The following MYO3B variants were observed in gnomAD, a reference collection of about 807,000 sequenced individuals.
The protein encoded by MYO3B is myosin IIIB, also known as myosin-IIIb.
A neutral mutation model predicts 174.6 loss-of-function variants in MYO3B; 156 were observed. The ratio of observed to expected loss-of-function variants is 0.89; its 90% confidence interval spans 0.78 to 1.02. The LOEUF is 1.02. Among genes scored for constraint, MYO3B ranks in the 50% least tolerant of loss-of-function variants. The probability of loss-of-function intolerance (pLI) is 0.00; values close to 1 mark genes in which losing one functional copy is unlikely to be tolerated. For missense variants in MYO3B, 1,632 were observed against 1,639.4 expected, an observed-to-expected ratio of 1.00 and a Z score of 0.08; for synonymous variants, 563 against 569.1, an observed-to-expected ratio of 0.99 and a Z score of 0.15.
At chr2:170,233,768 T>C (rs547084790) in intron 6 of MYO3B, among the ~76,000 whole-genome samples, 3 of 152,358 alleles carry the variant, frequency 2.0e-5, no homozygotes, top group African/African-American at 4.8e-5. Context: ...TTTTGCACAG[T>C]TGGCACATTT....
chr2:170,632,116 C>G (rs931517932), intron 32 of MYO3B, among the ~76,000 whole-genome samples: 23 of 152,176 alleles, frequency 1.5e-4, no homozygotes, highest in African/African-American at 5.6e-4. Flanking sequence ...TTGAACTCAG[C>G]TCTGCACCAA....
At chr2:170,499,950 C>T (rs1559060578) in intron 27 of MYO3B, 142 bp downstream of exon 27, 3 of 647,600 alleles carry the variant, frequency 4.6e-6, no homozygotes, top group Non-Finnish European at 7.5e-6. Flanking sequence ...TTCCTTCCTT[C>T]TTTCCTTCCT....
intron 22 of MYO3B, among the ~76,000 whole-genome samples, chr2:170,435,524 A>G (rs897057522): frequency 6.6e-6 from 1 of 152,224 alleles, no homozygotes; most frequent in Non-Finnish European, 1.5e-5. Context: ...CGTATTGTAG[A>G]CAGTAAGATG....
chr2:170,559,126 G>A (rs752023420), intron 32 of MYO3B, among the ~76,000 whole-genome samples: 1 of 152,154 alleles, frequency 6.6e-6, no homozygotes, highest in Non-Finnish European at 1.5e-5. Flanking sequence ...TCATTTTATA[G>A]ATGAAAAGAC....
At chr2:170,226,506 G>A (rs893441609) in intron 6 of MYO3B, among the ~76,000 whole-genome samples, 2 of 152,214 alleles carry the variant, frequency 1.3e-5, no homozygotes, top group Admixed American at 1.3e-4. Context: ...CAAGGTGCAA[G>A]GGGTGGAAAT....
At chr2:170,363,561 T>C (rs992054218) in intron 8 of MYO3B, among the ~76,000 whole-genome samples, 2 of 152,198 alleles carry the variant, frequency 1.3e-5, no homozygotes, top group African/African-American at 2.4e-5. Flanking sequence ...CGTTTTTGCC[T>C]GTTTTTGGCA....
In MYO3B at chr2:170,453,409, TACACACACACACACAC is replaced by T. The variant is rs35558091; in HGVS notation, c.2730+9392_2730+9407del. 2.4e-4 allele frequency among the ~76,000 whole-genome samples: 32 copies of T among 131,286 alleles called. No homozygotes were observed. In the East Asian group the frequency reaches 3.5e-3, roughly 14 times the overall value. 86.1% of individuals were successfully genotyped at this position (131,286 alleles called of 152,430 possible). A position where few individuals can be genotyped will look rare whatever the true frequency, so the allele number is the denominator to read the frequency against. On this transcript the variant is annotated intron_variant, in intron 23 of 34. Coordinates refer to ENST00000408978, the MANE Select transcript of MYO3B (RefSeq NM_138995.5). ...GAGACTAACAGTGATGTTTACCATTTACACACACACACACACACACACACACACACACACACACACA... is the reference window on the plus strand; with the variant it reads ...GAGACTAACAGTGATGTTTACCATTTACACACACACACACACACACACACA...
chr2:170,426,488 A>G (rs2094662871), intron 22 of MYO3B, among the ~76,000 whole-genome samples: 1 of 151,124 alleles, frequency 6.6e-6, no homozygotes. Flanking sequence ...GGCACCCACC[A>G]CCATGCCCGG....
At chr2:170,436,594 G>C (rs1193710472) in intron 22 of MYO3B, among the ~76,000 whole-genome samples, 1 of 152,148 alleles carries the variant, frequency 6.6e-6, no homozygotes, top group Non-Finnish European at 1.5e-5. Context: ...TTGAAATCTT[G>C]AGCATCTTGC....
chr2:170,179,492 G>A (rs2092371073), intron 1 of MYO3B, among the ~76,000 whole-genome samples: 1 of 152,132 alleles, frequency 6.6e-6, no homozygotes, highest in East Asian at 1.9e-4. Context: ...TAGGTCATGA[G>A]GGCTCTGCCC....
chr2:170,301,644 A>G (rs1370640585), intron 7 of MYO3B, among the ~76,000 whole-genome samples: 1 of 152,164 alleles, frequency 6.6e-6, no homozygotes, highest in African/African-American at 2.4e-5. Context: ...AATGGCTGGG[A>G]GTAGATGGGT....
chr2:170,498,627 C>G lies in MYO3B; in HGVS notation c.3050C>G (p.Pro1017Arg). The G allele has an allele frequency of 6.2e-7, 1 of 1,614,032 alleles. No individual in the cohort carries two copies. Among genetic ancestry groups the G allele is most frequent in the Non-Finnish European group, 8.5e-7 (1 of 1,179,946 alleles). ...TTGGCATTCACAGCACATCAAACAC[C>G]TCTTGCTAGCAAAGAGAGCTGTGTG... ...YYLAFTAHQTPLASKESCVAI... is the reference protein window; with the variant it reads ...YYLAFTAHQTRLASKESCVAI... The change falls in exon 26 of 35, where the codon CCT becomes CGT. Residue 1017 changes from proline (P) to arginine (R), a missense_variant. By Grantham distance (103) the Pro-to-Arg change is moderately radical (BLOSUM62 -2). Coordinates refer to ENST00000408978, the MANE Select transcript of MYO3B (RefSeq NM_138995.5).
At chr2:170,469,423 A>G (rs1684838358) in intron 25 of MYO3B, among the ~76,000 whole-genome samples, 1 of 152,200 alleles carries the variant, frequency 6.6e-6, no homozygotes, top group South Asian at 2.1e-4. Flanking sequence ...TCGCTGGATG[A>G]GAGACCTGCA....
rs963464047 is a variant in MYO3B at position 170,381,947 on chromosome 2, T to C, written c.972-69T>C. ...ACGTGATAAGATTGTGAATGAGCCA[T>C]GCTTGCTGCCCGCTTTCTGCTACAT... On this transcript the variant is annotated intron_variant, in intron 9 of 34. Coordinates refer to ENST00000408978, the MANE Select transcript of MYO3B (RefSeq NM_138995.5). 3.8e-6 allele frequency: 5 copies of C among 1,318,000 alleles called. No homozygotes were observed. The Admixed American group carries it at 6.8e-5, about 18-fold the overall frequency. The allele number at this position is 1,318,000 out of a possible 1,614,324, so 81.6% of individuals were successfully genotyped here. A position where few individuals can be genotyped will look rare whatever the true frequency, so the allele number is the denominator to read the frequency against.
chr2:170,397,804 T>C (rs2094449819), intron 16 of MYO3B, among the ~76,000 whole-genome samples: 1 of 152,204 alleles, frequency 6.6e-6, no homozygotes, highest in African/African-American at 2.4e-5. Flanking sequence ...CTGTCTCCTA[T>C]ACTTCTGACT....
intron 7 of MYO3B, among the ~76,000 whole-genome samples, chr2:170,242,817 A>T (rs1001683660): frequency 1.3e-5 from 2 of 152,180 alleles, no homozygotes; most frequent in Non-Finnish European, 2.9e-5. Context: ...TAAATGATGG[A>T]GAGATGGGCA....
intron 8 of MYO3B, chr2:170,348,701 T>G (rs539532401): frequency 6.6e-6 from 1 of 152,300 alleles, no homozygotes; most frequent in Non-Finnish European, 1.5e-5. Context: ...TATCAGGTGC[T>G]CTCCCTCTCC....
chr2:170,610,645 T>G (rs1695078168), intron 32 of MYO3B, among the ~76,000 whole-genome samples: 1 of 152,234 alleles, frequency 6.6e-6, no homozygotes, highest in South Asian at 2.1e-4. Flanking sequence ...CTTGATGGAA[T>G]GTATCTGTGC....
At chr2:170,371,784 G>T (rs1465017195) in intron 9 of MYO3B, among the ~76,000 whole-genome samples, 1 of 151,682 alleles carries the variant, frequency 6.6e-6, no homozygotes, top group African/African-American at 2.4e-5. Flanking sequence ...TGGCCACCCG[G>T]CAGGCAGTGC....
Sources: gnomAD v4.1 joint callset for allele counts (sites outside exome capture counted in the v4.1 genomes callset) on GRCh38, gnomAD v4.1.1 for gene constraint, MANE v1.5 for transcripts, NCBI Gene and HGNC (gene_info 2026-07-23, HGNC 2026-07-21) for gene names.